MAST4: variants seen among roughly 807,000 people sequenced by gnomAD.
The protein encoded by MAST4 is microtubule-associated serine/threonine-protein kinase 4.
A neutral mutation model predicts 162.7 loss-of-function variants in MAST4; 89 were observed. That is an observed-to-expected ratio of 0.55 (90% confidence interval 0.46 to 0.65). The LOEUF is 0.65. Among genes scored for constraint, MAST4 ranks in the 30% least tolerant of loss-of-function variants. The pLI, the probability that MAST4 is intolerant of heterozygous loss-of-function variation, is 0.00. For missense variants in MAST4, 3,153 were observed against 3,374.0 expected (o/e 0.93, Z 1.62); for synonymous variants, 1,479 against 1,361.1 (o/e 1.09, Z -1.91).
rs1479997630 is a variant in MAST4, at chr5:67,166,658, G to A, written c.7479G>A (p.Glu2493=). 6.3e-7 allele frequency: 1 copy of A among 1,598,396 alleles called. No homozygotes were observed. Among genetic ancestry groups the A allele is most frequent in the East Asian group, 2.3e-5 (1 of 44,064 alleles). The change falls in exon 29 of 29, where the codon GAG becomes GAA. Residue 2493 remains glutamate (E), a synonymous_variant. Transcript: ENST00000403625. ...SSAKAAGGML[E]LPAPSNRDHR... is the part of the protein sequence containing the mutation. ...CCAAGGCCGCCGGGGGCATGCTGGA[G>A]CTTCCAGCCCCCAGCAACAGGGACC...
intron 3 of MAST4, among the ~76,000 whole-genome samples, chr5:66,831,393 G>T (rs1280756458): frequency 1.3e-5 from 2 of 152,104 alleles, no homozygotes; most frequent in Non-Finnish European, 2.9e-5. Flanking sequence ...TTAACTTAAA[G>T]CCCAGTGTCA....
intron 3 of MAST4, among the ~76,000 whole-genome samples, chr5:66,862,356 T>C (rs1760180930): frequency 6.6e-6 from 1 of 152,210 alleles, no homozygotes; most frequent in African/African-American, 2.4e-5. Flanking sequence ...TAGATTTTTT[T>C]CTAAACTGAA....
At chr5:66,730,751 CTGTGTGTG>C (rs70987138) in intron 1 of MAST4, among the ~76,000 whole-genome samples, 17,701 of 149,226 alleles carry the variant, frequency 0.12, 1,133 homozygotes, top group East Asian at 0.27. Flanking sequence ...CCTACCTACT[CTGTGTGTG>C]TGTGTGTGTG....
At chr5:66,816,414 C>T (rs777560829) in intron 3 of MAST4, among the ~76,000 whole-genome samples, 1 of 151,942 alleles carries the variant, frequency 6.6e-6, no homozygotes, top group East Asian at 1.9e-4. Flanking sequence ...CTCACCTTTC[C>T]TCAAGTTTTA....
intron 1 of MAST4, among the ~76,000 whole-genome samples, chr5:66,618,243 G>A (rs945830294): frequency 1.3e-5 from 2 of 152,212 alleles, no homozygotes; most frequent in Non-Finnish European, 2.9e-5. Flanking sequence ...GATCCTCACA[G>A]CAAGTCTGAG....
At chr5:66,765,196 C>T (rs1438350282) in intron 2 of MAST4, among the ~76,000 whole-genome samples, 1 of 152,146 alleles carries the variant, frequency 6.6e-6, no homozygotes, top group Non-Finnish European at 1.5e-5. Flanking sequence ...TGCACAATGA[C>T]AGAATTGCCT....
intron 1 of MAST4, among the ~76,000 whole-genome samples, chr5:66,609,436 C>A (rs1357441923): frequency 6.9e-6 from 1 of 145,040 alleles, no homozygotes. Context: ...GTTTCCCAGA[C>A]TGAAGTGCAG....
At position 66,845,742 on chromosome 5, in the gene MAST4, C is replaced by T. The variant is rs181029238; in HGVS notation, c.643-54209C>T. On this transcript the variant is annotated intron_variant, in intron 3 of 28. Transcript: ENST00000403625. The stretch of plus-strand genomic sequence containing the variant: ...TACATTGCTACCAACCGTGTAAAAG[C>T]GTTCCTATTTCTCCACATCCTCTCC... 2.1e-3 allele frequency among the ~76,000 whole-genome samples: 325 copies of T among 152,208 alleles called. 1 individual carries two copies. Among genetic ancestry groups the T allele is most frequent in the African/African-American group, 7.0e-3 (291 of 41,510 alleles).
intron 3 of MAST4, among the ~76,000 whole-genome samples, chr5:66,803,678 T>G (rs2149701300): frequency 6.6e-6 from 1 of 152,348 alleles, no homozygotes; most frequent in South Asian, 2.1e-4. Flanking sequence ...TTGGCTTTAT[T>G]AAATTAAGAT....
intron 3 of MAST4, among the ~76,000 whole-genome samples, chr5:66,824,153 T>C (rs1757128262): frequency 1.3e-5 from 2 of 152,224 alleles, no homozygotes; most frequent in South Asian, 4.1e-4. Context: ...ACCAACGGAA[T>C]ATTTACTTTA....
intron 24 of MAST4, 149 bp downstream of exon 24, chr5:67,149,738 C>A: frequency 3.7e-6 from 3 of 813,306 alleles, no homozygotes; most frequent in Non-Finnish European, 5.9e-6. Context: ...CTTCTGCCTG[C>A]AGACTCTGAA....
chr5:67,090,162 G>C lies in MAST4; in HGVS notation c.764G>C (p.Gly255Ala). The stretch of plus-strand genomic sequence containing the variant: ...ATTTCTCTCTTTTCTCTTTCTCTAG[G>C]AAATAGCCCTCAAGATAGTCCAAGA... Reference protein sequence around the residue: ...RPHSPLSAHAGNSPQDSPRNF... With the variant: ...RPHSPLSAHAANSPQDSPRNF... Residue 255 changes from glycine to alanine, a missense_variant and splice_region_variant, in exon 6 of 29, where the codon GGA becomes GCA. Physicochemically the swap from Gly to Ala is moderately conservative, Grantham distance 60 (BLOSUM62 0). Coordinates refer to ENST00000403625, the MANE Select transcript of MAST4 (RefSeq NM_001164664.2). 6.2e-7 allele frequency: 1 copy of C among 1,606,368 alleles called. No homozygotes were observed. The highest frequency in any genetic ancestry group is 8.5e-7 in the Non-Finnish European group (1 of 1,173,666).
intron 3 of MAST4, among the ~76,000 whole-genome samples, chr5:66,879,220 A>G (rs879463835): frequency 2.0e-5 from 3 of 152,128 alleles, no homozygotes; most frequent in Non-Finnish European, 4.4e-5. Flanking sequence ...CGGAGCTTGC[A>G]GTGAGCCGAG....
In MAST4 at chr5:67,165,969, A is replaced by G. The variant is rs780523389; in HGVS notation, c.6790A>G (p.Ile2264Val). ...CTCCCAGAACAAAGCCAGCGATGGGATTGGCCAGGGAGAAGGTGGGCCCTC... is the reference window on the plus strand; with the variant it reads ...CTCCCAGAACAAAGCCAGCGATGGGGTTGGCCAGGGAGAAGGTGGGCCCTC... The part of the protein sequence containing the change: ...PGSQNKASDG[I>V]GQGEGGPSVP... Residue 2264 changes from isoleucine (I) to valine (V), a missense_variant, in exon 29 of 29, where the codon ATT (isoleucine) becomes GTT (valine). Around this residue, in one of 7 missense-constraint regions of MAST4, gnomAD observed 1,644 missense variants for 1,495.0 expected, o/e 1.10. Transcript: ENST00000403625. 8.1e-6 allele frequency: 13 copies of G among 1,613,282 alleles called. No homozygotes were observed. The highest frequency in any genetic ancestry group is 2.2e-5 in the East Asian group (1 of 44,882).
rs750709099 is a variant in MAST4 at position 66,733,270 on chromosome 5, C to T, written c.364-26439C>T. ...TCTTCTCTCTCTTCCTCTGACTATT[C>T]CTCTCCCGCTCCCTCTAACTTTCTC... On this transcript the variant is annotated intron_variant, in intron 1 of 28. Coordinates refer to ENST00000403625, the MANE Select transcript of MAST4 (RefSeq NM_001164664.2). Among the ~76,000 whole-genome samples the T allele has an allele frequency of 2.0e-5, 3 of 152,134 alleles. No individual in the cohort carries two copies. In the South Asian group the frequency reaches 6.2e-4, roughly 31 times the overall value.
intron 6 of MAST4, among the ~76,000 whole-genome samples, chr5:67,091,955 G>A (rs369357118): frequency 2.6e-4 from 40 of 152,298 alleles, no homozygotes; most frequent in Middle Eastern, 6.8e-3. Context: ...TAGGACATGA[G>A]TGATCATCAT....
At chr5:66,768,736 C>A (rs539901364) in intron 2 of MAST4, among the ~76,000 whole-genome samples, 1 of 152,166 alleles carries the variant, frequency 6.6e-6, no homozygotes, top group African/African-American at 2.4e-5. Flanking sequence ...AATGTCCATT[C>A]TTGGGTTGTG....
chr5:67,137,751 A>T (rs993459312), intron 19 of MAST4, among the ~76,000 whole-genome samples: 7 of 152,198 alleles, frequency 4.6e-5, no homozygotes, highest in African/African-American at 1.7e-4. Flanking sequence ...CTGGTATGGT[A>T]AATAAAGCGT....
At chr5:66,860,726 T>C (rs183588033) in intron 3 of MAST4, among the ~76,000 whole-genome samples, 6 of 149,684 alleles carry the variant, frequency 4.0e-5, no homozygotes, top group African/African-American at 1.2e-4. Flanking sequence ...GCCTCAGCAC[T>C]TCCCTCCCAC....
Sources: gnomAD v4.1 joint callset for allele counts (sites outside exome capture counted in the v4.1 genomes callset) on GRCh38, gnomAD v4.1.1 for gene constraint, gnomAD v4.1.1 regional missense constraint, MANE v1.5 for transcripts, NCBI Gene and HGNC (gene_info 2026-07-23, HGNC 2026-07-21) for gene names.